The following PAPLN variants were observed in gnomAD, a reference collection of about 807,000 sequenced individuals.
The protein encoded by PAPLN is papilin, proteoglycan like sulfated glycoprotein, also known as papilin.
Under a neutral mutation model 159.0 loss-of-function variants are expected in PAPLN, and 146 were observed. That is an observed-to-expected ratio of 0.92 (90% CI 0.80 to 1.05). The LOEUF (loss-of-function observed/expected upper bound fraction) is 1.05, where lower values mean the gene tolerates loss of function less well. PAPLN is among the 50% of genes least tolerant of loss of function. The pLI, the probability that PAPLN is intolerant of heterozygous loss-of-function variation, is 0.00. For synonymous variants in PAPLN, 734 were observed against 702.9 expected, an observed-to-expected ratio of 1.04 and a Z score of -0.70; for missense variants, 1,720 against 1,743.9, an observed-to-expected ratio of 0.99 and a Z score of 0.24.
At chr14:73,261,049 G>C in intron 17 of PAPLN, 107 bp from the exon 18 acceptor site, 1 of 1,574,378 alleles carries the variant, frequency 6.4e-7, no homozygotes, top group Non-Finnish European at 8.7e-7. Flanking sequence ...TCTCCCCTGG[G>C]CTGGGGTTCT....
chr14:73,263,557 A>C (rs1458591024), intron 19 of PAPLN, 88 bp from the exon 20 acceptor site: 1 of 1,561,522 alleles, frequency 6.4e-7, no homozygotes, highest in Non-Finnish European at 8.7e-7. Flanking sequence ...GATGGGCCCC[A>C]AGCTGTCTGT....
chr14:73,257,416 G>GC (rs1358058706), intron 14 of PAPLN, among the ~76,000 whole-genome samples: 2 of 150,636 alleles, frequency 1.3e-5, no homozygotes, highest in African/African-American at 2.4e-5. Flanking sequence ...TTTCAGGGGG[G>GC]GTCCTACAGG....
rs1456345823 is a variant in PAPLN at position 73,244,650 on chromosome 14, A to C, written c.61A>C (p.Lys21Gln). 1 of 1,578,708 alleles carries C rather than the reference A, an allele frequency of 6.3e-7. No individual in the cohort carries two copies. Among genetic ancestry groups the C allele is most frequent in the Non-Finnish European group, 8.6e-7 (1 of 1,162,854 alleles). Residue 21 changes from lysine (K) to glutamine (Q), a missense_variant, in exon 3 of 27, where the codon AAG (lysine) becomes CAG (glutamine). Transcript: ENST00000644200. The stretch of plus-strand genomic sequence containing the variant: ...ATGGTCCTGTCTTCTGCAGGCTCCC[A>C]AGGTGAGGCGGCAGAGTGACACCTG... The part of the protein sequence containing the change: ...LAPAPGSSAP[K>Q]VRRQSDTWGP...
At chr14:73,250,655 G>A (rs963397815) in intron 6 of PAPLN, among the ~76,000 whole-genome samples, 3 of 152,136 alleles carry the variant, frequency 2.0e-5, no homozygotes, top group Non-Finnish European at 2.9e-5. Flanking sequence ...GGGGAGCTCC[G>A]TTCAAACTCT....
At chr14:73,238,578 C>A (rs572968494) in intron 1 of PAPLN, among the ~76,000 whole-genome samples, 168 of 152,368 alleles carry the variant, frequency 1.1e-3, no homozygotes, top group African/African-American at 3.9e-3. Context: ...CAGCCTCGCC[C>A]GCCCTAGCAG....
Position 73,266,622 on chromosome 14 carries a change from G to A in PAPLN, c.3385G>A (p.Val1129Ile), listed in dbSNP as rs1887238376. Residue 1129 changes from valine (V) to isoleucine (I), a missense_variant, in exon 24 of 27, where the codon GTT becomes ATT. By Grantham distance (29) the Val-to-Ile change is conservative. Coordinates refer to ENST00000644200, the MANE Select transcript of PAPLN (RefSeq NM_001365906.3). ...AGACCAGCGATGGGTCCAGCTCAGAGTTCTGGGTAAAGTGGCAGTCCTGAG... is the reference window on the plus strand; with the variant it reads ...AGACCAGCGATGGGTCCAGCTCAGAATTCTGGGTAAAGTGGCAGTCCTGAG... ...DRDQRWVQLR[V>I]LGELTISGLP... The A allele has an allele frequency of 2.5e-6, 4 of 1,614,192 alleles. No individual in the cohort carries two copies. The highest frequency in any genetic ancestry group is 1.1e-5 in the South Asian group (1 of 91,084).
At chr14:73,240,630 T>G (rs1268898135) in intron 2 of PAPLN, among the ~76,000 whole-genome samples, 2 of 152,114 alleles carry the variant, frequency 1.3e-5, no homozygotes, top group African/African-American at 4.8e-5. Context: ...AACAGCCGCA[T>G]GCGGCTAGTG....
At chr14:73,257,873 C>G (rs760431507) in intron 14 of PAPLN, among the ~76,000 whole-genome samples, 1 of 149,034 alleles carries the variant, frequency 6.7e-6, no homozygotes, top group Non-Finnish European at 1.5e-5. Flanking sequence ...AAGCGATTCT[C>G]CTGCCTTAGC....
chr14:73,260,959 C>T (rs1192754958), intron 17 of PAPLN, 130 bp downstream of exon 17: 19 of 1,416,326 alleles, frequency 1.3e-5, no homozygotes, highest in Non-Finnish European at 1.7e-5. Context: ...TGGCCTGGGT[C>T]ATCCTCTGGA....
At chr14:73,255,056 CCTCT>C in intron 14 of PAPLN, 38 bp downstream of exon 14, 1 of 1,588,574 alleles carries the variant, frequency 6.3e-7, no homozygotes, top group Non-Finnish European at 8.6e-7. Context: ...CGGCCTCTGA[CCTCT>C]CTCCCACTCG....
chr14:73,251,027 C>T lies in PAPLN; in HGVS notation c.586C>T (p.Arg196Ter), dbSNP rs368827831. The T allele has an allele frequency of 3.1e-6, 5 of 1,610,678 alleles. No individual in the cohort carries two copies. Among genetic ancestry groups the T allele is most frequent in the South Asian group, 1.1e-5 (1 of 90,726 alleles). ...CACCTTTGACGCTAATGACCTCAGC[C>T]GAGGTGGGGGTGGTTCCGACAAGGG... is the stretch of plus-strand genomic sequence containing the variant. ...AGTFDANDLSRGYNQILIVPM... is the reference protein window; with the variant it reads ...AGTFDANDLS The change falls in exon 7 of 27, where the codon CGA (arginine) becomes TGA (stop). Residue 196 changes from arginine (R) to a stop codon, truncating the protein, a stop_gained. Transcript: ENST00000644200. LOFTEE classifies it high-confidence loss of function.
chr14:73,248,017 TGTGTGTGTGTGTTGGGATTGTG>T (rs1884750231), intron 5 of PAPLN, among the ~76,000 whole-genome samples: 1 of 87,874 alleles, frequency 1.1e-5, no homozygotes, highest in Non-Finnish European at 2.2e-5. Flanking sequence ...TGTGTGTGTG[TGTGTGTGTGTGTTGGGATTGTG>T]GCTGTGGGTG....
intron 12 of PAPLN, 57 bp downstream of exon 12, chr14:73,254,018 G>A: frequency 6.5e-7 from 1 of 1,542,422 alleles, no homozygotes; most frequent in Non-Finnish European, 8.7e-7. Context: ...GCAGGGAAGG[G>A]CTGGGGTCTT....
chr14:73,272,529 C>A lies in PAPLN; in HGVS notation c.3702C>A (p.Asp1234Glu). 6.3e-7 allele frequency: 1 copy of A among 1,580,668 alleles called. No individual in the cohort carries two copies. The highest frequency in any genetic ancestry group is 8.7e-7 in the Non-Finnish European group (1 of 1,154,240). ...CCCAGCCCAGGGACCCTGGCAGGGA[C>A]TGCGTCGACCAGCCAGAGCTGGCCA... ...PTAQPRDPGRDCVDQPELANC... is the reference protein window; with the variant it reads ...PTAQPRDPGRECVDQPELANC... The change falls in exon 27 of 27, where the codon GAC becomes GAA. Residue 1234 changes from aspartate to glutamate, a missense_variant. Asp to Glu is a conservative substitution (Grantham distance 45). Coordinates refer to ENST00000644200, the MANE Select transcript of PAPLN (RefSeq NM_001365906.3).
chr14:73,272,372 A>ACTT, intron 26 of PAPLN, 123 bp from the exon 27 acceptor site: 1 of 908,060 alleles, frequency 1.1e-6, no homozygotes. Context: ...GGGTAAGTGC[A>ACTT]CTTCGTTTTC....
intron 17 of PAPLN, 130 bp downstream of exon 17, chr14:73,260,959 C>A: frequency 1.4e-6 from 2 of 1,416,444 alleles, no homozygotes; most frequent in Non-Finnish European, 1.9e-6. Flanking sequence ...TGGCCTGGGT[C>A]ATCCTCTGGA....
chr14:73,259,294 C>G lies in PAPLN; in HGVS notation c.1734C>G (p.Ala578=), dbSNP rs146811312. Residue 578 remains alanine, a synonymous_variant, in exon 16 of 27, where the codon GCC becomes GCG. Coordinates refer to ENST00000644200, the MANE Select transcript of PAPLN (RefSeq NM_001365906.3). ...ASDSRGQWWA[A]QEHPSARGDH... Reference sequence around the variant, plus strand: ...ACTCCAGAGGCCAGTGGTGGGCAGCCCAGGAACACCCCTCAGCCAGGGGTG... The same window carrying G: ...ACTCCAGAGGCCAGTGGTGGGCAGCGCAGGAACACCCCTCAGCCAGGGGTG... The G allele has an allele frequency of 6.3e-7, 1 of 1,578,958 alleles. No individual in the cohort carries two copies. The highest frequency in any genetic ancestry group is 1.8e-5 in the Admixed American group (1 of 55,688).
chr14:73,256,699 A>G (rs950398084), intron 14 of PAPLN, among the ~76,000 whole-genome samples: 5 of 152,026 alleles, frequency 3.3e-5, no homozygotes, highest in African/African-American at 9.7e-5. Flanking sequence ...CAGGACCAAC[A>G]TGGCAAAACC....
At chr14:73,253,395 G>A (rs1273272257) in intron 11 of PAPLN, among the ~76,000 whole-genome samples, 1 of 152,230 alleles carries the variant, frequency 6.6e-6, no homozygotes, top group African/African-American at 2.4e-5. Flanking sequence ...GCCGCTCCAC[G>A]CATGGGTGAG....
Sources: allele counts gnomAD v4.1 joint callset (sites outside exome capture counted in the v4.1 genomes callset), GRCh38; gene constraint gnomAD v4.1.1; transcripts MANE v1.5; gene names NCBI Gene and HGNC (gene_info 2026-07-23, HGNC 2026-07-21).